Variants in DLG2 observed in about 807,000 individuals in gnomAD.
DLG2 encodes disks large homolog 2.
A neutral mutation model predicts 132.5 loss-of-function variants in DLG2; 45 were observed. That is an observed-to-expected ratio of 0.34 (90% CI 0.27 to 0.44). The LOEUF is 0.44. DLG2 is among the 20% of genes least tolerant of loss of function. The pLI is 1.00. For missense variants in DLG2, 1,045 were observed against 1,196.9 expected (o/e 0.87, Z 1.87); for synonymous variants, 424 against 419.6 (o/e 1.01, Z -0.13).
chr11:84,340,543 A>G (rs1467841204), intron 7 of DLG2, among the ~76,000 whole-genome samples: 1 of 152,156 alleles, frequency 6.6e-6, no homozygotes, highest in Non-Finnish European at 1.5e-5. Context: ...ATATCTCCAG[A>G]AAAGTAGGTA....
intron 7 of DLG2, chr11:84,437,490 C>T (rs908682843): frequency 2.6e-5 from 4 of 152,132 alleles, no homozygotes; most frequent in Non-Finnish European, 4.4e-5. Flanking sequence ...AAGGAATTCA[C>T]AATGAAGCTG....
chr11:85,172,847 T>C (rs894142076), intron 4 of DLG2, among the ~76,000 whole-genome samples: 2 of 151,882 alleles, frequency 1.3e-5, no homozygotes, highest in Non-Finnish European at 2.9e-5. Context: ...AATAGCAGCA[T>C]AGACCAAGCA....
chr11:84,738,073 T>C (rs1475033852), intron 6 of DLG2, among the ~76,000 whole-genome samples: 1 of 152,052 alleles, frequency 6.6e-6, no homozygotes. Context: ...TAAACTGGGT[T>C]AGAAATATAA....
chr11:85,062,689 G>T (rs1451633933), intron 6 of DLG2, among the ~76,000 whole-genome samples: 1 of 151,652 alleles, frequency 6.6e-6, no homozygotes, highest in Admixed American at 6.6e-5. Flanking sequence ...TAATAGAAAT[G>T]AGTGCTTTAA....
At chr11:85,249,827 ATAT>A (rs2076312648) in intron 4 of DLG2, among the ~76,000 whole-genome samples, 1 of 152,194 alleles carries the variant, frequency 6.6e-6, no homozygotes, top group South Asian at 2.1e-4. Context: ...ATGAATTTGC[ATAT>A]TTCCTTGTAG....
At chr11:84,582,408 TTAAAATACATATATATTAA>T (rs2099518704) in intron 6 of DLG2, among the ~76,000 whole-genome samples, 1 of 148,826 alleles carries the variant, frequency 6.7e-6, no homozygotes, top group African/African-American at 2.4e-5. Context: ...CTCTTTTAAG[TTAAAATACATATATATTAA>T]GTTAAAATAC....
intron 6 of DLG2, among the ~76,000 whole-genome samples, chr11:84,558,560 A>T (rs1425468791): frequency 1.3e-5 from 2 of 151,978 alleles, no homozygotes; most frequent in South Asian, 2.1e-4. Flanking sequence ...CACATTCTAG[A>T]CTCCTAATCC....
intron 8 of DLG2, among the ~76,000 whole-genome samples, chr11:84,184,870 C>G (rs2096243362): frequency 6.6e-6 from 1 of 152,116 alleles, no homozygotes; most frequent in African/African-American, 2.4e-5. Flanking sequence ...TGTCAAAGAT[C>G]AGATGGTTGT....
rs145774387 is a variant in DLG2, at chr11:85,406,987, AAG to A, written c.41-121624_41-121623del. On this transcript the variant is annotated intron_variant, in intron 3 of 27. Coordinates refer to ENST00000376104, the MANE Select transcript of DLG2 (RefSeq NM_001142699.3). Reference sequence around the variant, plus strand: ...GCAGAAACCTGAAGGAGATAGAGAAAAGAGTCATGGAGATATTGGAGGAAGAA... The same window carrying A: ...GCAGAAACCTGAAGGAGATAGAGAAAAGTCATGGAGATATTGGAGGAAGAA... Among the ~76,000 whole-genome samples, 266 of 151,962 alleles carry A rather than the reference AAG, an allele frequency of 1.8e-3. 1 individual carries two copies. Among genetic ancestry groups the A allele is most frequent in the African/African-American group, 6.2e-3 (258 of 41,528 alleles).
At chr11:85,127,564 T>G (rs191594393) in intron 5 of DLG2, among the ~76,000 whole-genome samples, 180 of 152,270 alleles carry the variant, frequency 1.2e-3, no homozygotes, top group African/African-American at 4.2e-3. Context: ...GCCTGTTGTA[T>G]CCCCACACCT....
chr11:85,460,983 T>C (rs1249358093), intron 3 of DLG2, among the ~76,000 whole-genome samples: 3 of 152,058 alleles, frequency 2.0e-5, no homozygotes, highest in African/African-American at 7.3e-5. Context: ...TGCTCATTTA[T>C]TGGCCTTCAT....
intron 9 of DLG2, among the ~76,000 whole-genome samples, chr11:84,120,949 T>A (rs1470328039): frequency 1.3e-5 from 2 of 152,246 alleles, no homozygotes; most frequent in Admixed American, 1.3e-4. Context: ...AACATGCACA[T>A]AAAATCAGTG....
At chr11:85,351,152 T>C (rs1230692136) in intron 3 of DLG2, among the ~76,000 whole-genome samples, 1 of 152,228 alleles carries the variant, frequency 6.6e-6, no homozygotes. Flanking sequence ...TTCCTAAGTA[T>C]TTTATTCTAT....
intron 5 of DLG2, among the ~76,000 whole-genome samples, chr11:85,138,542 C>T (rs2076264920): frequency 1.3e-5 from 2 of 152,138 alleles, no homozygotes; most frequent in South Asian, 2.1e-4. Flanking sequence ...TTCTTATACC[C>T]TGATATGGTT....
intron 6 of DLG2, among the ~76,000 whole-genome samples, chr11:85,014,618 G>A (rs1306768661): frequency 6.6e-6 from 1 of 152,144 alleles, no homozygotes; most frequent in Non-Finnish European, 1.5e-5. Flanking sequence ...TAAAAGTACA[G>A]TATTGATTTA....
chr11:84,267,159 C>G (rs937237404), intron 7 of DLG2, among the ~76,000 whole-genome samples: 1 of 152,210 alleles, frequency 6.6e-6, no homozygotes, highest in African/African-American at 2.4e-5. Context: ...CTTAACCCCA[C>G]TAATCCTCTG....
chr11:84,175,122 G>C (rs1446652910), intron 8 of DLG2, among the ~76,000 whole-genome samples: 1 of 152,108 alleles, frequency 6.6e-6, no homozygotes, highest in Admixed American at 6.6e-5. Flanking sequence ...TATAGGGATG[G>C]AGAAAGAAAT....
intron 3 of DLG2, among the ~76,000 whole-genome samples, chr11:85,543,837 TG>T (rs1356776570): frequency 7.1e-6 from 1 of 140,772 alleles, no homozygotes; most frequent in Admixed American, 7.2e-5. Flanking sequence ...TGGGGTTGTT[TG>T]TTTTTTTTTC....
chr11:85,339,673 T>A (rs565021188), intron 3 of DLG2, among the ~76,000 whole-genome samples: 70 of 152,360 alleles, frequency 4.6e-4, no homozygotes, highest in African/African-American at 1.6e-3. Flanking sequence ...TTTTCAAAAA[T>A]TTTTATTGGC....
Sources: gnomAD v4.1 joint callset for allele counts (sites outside exome capture counted in the v4.1 genomes callset) on GRCh38, gnomAD v4.1.1 for gene constraint, MANE v1.5 for transcripts, NCBI Gene and HGNC (gene_info 2026-07-23, HGNC 2026-07-21) for gene names.